Variants in CPLANE1 observed in about 807,000 individuals in gnomAD.
CPLANE1 encodes the protein ciliogenesis and planar polarity effector 1.
A neutral mutation model predicts 362.5 loss-of-function variants in CPLANE1; 263 were observed. The observed-to-expected ratio is 0.73, with a 90% confidence interval of 0.66 to 0.80. CPLANE1 has a LOEUF of 0.80. Ranked by LOEUF, CPLANE1 falls within the 30% of genes least tolerant of loss-of-function variation. CPLANE1 has a pLI of 0.00. For synonymous variants in CPLANE1, 1,212 were observed against 1,302.6 expected (o/e 0.93, Z 1.50); for missense variants, 3,461 against 3,793.4 (o/e 0.91, Z 2.30).
intron 2 of CPLANE1, among the ~76,000 whole-genome samples, chr5:37,246,890 G>C (rs1739866483): frequency 1.3e-5 from 2 of 152,100 alleles, no homozygotes; most frequent in Admixed American, 6.6e-5. Context: ...CTGGGCAACA[G>C]AGCGAGACTC....
intron 9 of CPLANE1, among the ~76,000 whole-genome samples, chr5:37,229,947 C>T (rs190235716): frequency 8.5e-5 from 13 of 152,086 alleles, no homozygotes; most frequent in Non-Finnish European, 5.9e-5. Context: ...GAGGCCAAGG[C>T]GGGTGGATCA....
At chr5:37,098,719 T>C in the CPLANE1 span, among the ~76,000 whole-genome samples, 2 of 149,952 alleles carry the variant, frequency 1.3e-5, no homozygotes, top group African/African-American at 4.9e-5. Flanking sequence ...CAGACATTAA[T>C]AACAAGAGAA....
rs1035910852 is a variant in CPLANE1, at chr5:37,184,785, T to C, written c.4481+3A>G. 1 of 1,605,490 alleles carries C rather than the reference T, an allele frequency of 6.2e-7. No individual in the cohort carries two copies. The highest frequency in any genetic ancestry group is 8.5e-7 in the Non-Finnish European group (1 of 1,176,278). On this transcript the variant is annotated splice_donor_region_variant and intron_variant, in intron 25 of 52. Coordinates refer to ENST00000651892, the MANE Select transcript of CPLANE1 (RefSeq NM_001384732.1). ...GCCAGTGATTAAAAGATCTCAATTG[T>C]ACCTTTGATAGATATTTATCCTACT... is the stretch of plus-strand genomic sequence containing the variant.
chr5:37,208,941 AAAAAAAAG>A (rs1791730466), intron 16 of CPLANE1, among the ~76,000 whole-genome samples: 1 of 119,768 alleles, frequency 8.3e-6, no homozygotes, highest in African/African-American at 3.8e-5. Context: ...ACAGATGAAA[AAAAAAAAG>A]AAAAGAAAAA....
chr5:37,218,895 C>T (rs1794742848), intron 15 of CPLANE1, among the ~76,000 whole-genome samples: 1 of 150,998 alleles, frequency 6.6e-6, no homozygotes, highest in Admixed American at 6.6e-5. Flanking sequence ...TTGCAGTGAG[C>T]TGAGATAGTG....
chr5:37,082,767 CAAA>C, the CPLANE1 span, among the ~76,000 whole-genome samples: 3 of 125,672 alleles, frequency 2.4e-5, no homozygotes, highest in African/African-American at 8.4e-5. Flanking sequence ...CGTGGAAACC[CAAA>C]AAAAAAAAAA....
At chr5:37,154,961 C>T (rs1310047720) in intron 41 of CPLANE1, among the ~76,000 whole-genome samples, 16 of 152,194 alleles carry the variant, frequency 1.1e-4, no homozygotes. Context: ...AAGCCAGAGA[C>T]CAGAAAGTCA....
intron 42 of CPLANE1, among the ~76,000 whole-genome samples, chr5:37,150,707 T>C (rs1773272509): frequency 6.6e-6 from 1 of 152,214 alleles, no homozygotes; most frequent in Admixed American, 6.5e-5. Context: ...TTCAGGCATA[T>C]GGTTATTTCC....
rs1790476608 is a variant in CPLANE1 at position 37,205,571 on chromosome 5, T to C, written c.3150-117A>G. ...AAACAATGGAATTTACTTTTTTATC[T>C]ATCGTACATGTAAAAAAGATATATT... On this transcript the variant is annotated intron_variant, in intron 17 of 52. Transcript: ENST00000651892. The C allele has an allele frequency of 4.4e-6, 3 of 678,162 alleles. No individual in the cohort carries two copies. The East Asian group carries it at 8.3e-5, about 19-fold the overall frequency. The allele number at this position is 678,162 out of a possible 1,614,324, so 42.0% of individuals were successfully genotyped here. A position where few individuals can be genotyped will look rare whatever the true frequency, so the allele number is the denominator to read the frequency against.
chr5:37,178,604 C>A (rs1424609218), intron 29 of CPLANE1, among the ~76,000 whole-genome samples: 12 of 149,824 alleles, frequency 8.0e-5, no homozygotes, highest in Admixed American at 7.9e-4. Flanking sequence ...AAGAGCAAGA[C>A]CCTCATCTCG....
intron 36 of CPLANE1, 51 bp from the exon 37 acceptor site, chr5:37,164,378 T>C (rs1201085994): frequency 7.1e-7 from 1 of 1,417,666 alleles, no homozygotes. Context: ...AGATGTGTAT[T>C]ATTTTTGAAA....
intron 18 of CPLANE1, among the ~76,000 whole-genome samples, chr5:37,203,856 G>T (rs1249007551): frequency 6.6e-6 from 1 of 152,074 alleles, no homozygotes; most frequent in Non-Finnish European, 1.5e-5. Flanking sequence ...ATTTGAATGG[G>T]CCTGTTTCTA....
rs1779138415 is a variant in CPLANE1 at position 37,169,435 on chromosome 5, G to A, written c.6589C>T (p.Leu2197Phe). The A allele has an allele frequency of 1.2e-6, 2 of 1,614,052 alleles. No individual in the cohort carries two copies. Among genetic ancestry groups the A allele is most frequent in the African/African-American group, 1.3e-5 (1 of 74,928 alleles). ...FYPAPAGNTH[L>F]YLLSTPSVVQ... Reference sequence around the variant, plus strand: ...ACAGAAGGTGTGGACAAAAGGTAGAGGTGAGTATTTCCAGCAGGAGCTGGA... The same window carrying A: ...ACAGAAGGTGTGGACAAAAGGTAGAAGTGAGTATTTCCAGCAGGAGCTGGA... Residue 2197 changes from leucine to phenylalanine, a missense_variant, in exon 34 of 53, where the codon CTC (leucine) becomes TTC (phenylalanine). Leu to Phe is a conservative substitution (Grantham distance 22). Transcript: ENST00000651892.
chr5:37,110,765 G>A (rs1490583688), intron 51 of CPLANE1, among the ~76,000 whole-genome samples: 2 of 151,624 alleles, frequency 1.3e-5, no homozygotes, highest in Admixed American at 6.6e-5. Flanking sequence ...CCAAGATGAT[G>A]GAGATGATCC....
At chr5:37,234,966 A>G (rs908695690) in intron 8 of CPLANE1, among the ~76,000 whole-genome samples, 1 of 152,150 alleles carries the variant, frequency 6.6e-6, no homozygotes, top group Non-Finnish European at 1.5e-5. Context: ...CACCTATTCA[A>G]CATAATGCTA....
At chr5:37,136,075 C>T (rs916134875) in intron 46 of CPLANE1, among the ~76,000 whole-genome samples, 3 of 152,116 alleles carry the variant, frequency 2.0e-5, no homozygotes, top group African/African-American at 7.2e-5. Flanking sequence ...CCAACAGTCC[C>T]CCACGGTCTT....
At chr5:37,236,860 C>A (rs1430786788) in intron 8 of CPLANE1, among the ~76,000 whole-genome samples, 1 of 151,852 alleles carries the variant, frequency 6.6e-6, no homozygotes, top group East Asian at 1.9e-4. Flanking sequence ...ATTAAAACCA[C>A]AACGAGATAA....
intron 38 of CPLANE1, among the ~76,000 whole-genome samples, chr5:37,159,468 T>C (rs1776263118): frequency 6.6e-6 from 1 of 152,248 alleles, no homozygotes; most frequent in South Asian, 2.1e-4. Context: ...TCACAGAGCC[T>C]ATAATTAAAT....
intron 6 of CPLANE1, 56 bp downstream of exon 6, chr5:37,242,957 G>A (rs1186308376): frequency 1.6e-5 from 19 of 1,223,638 alleles, no homozygotes; most frequent in Non-Finnish European, 2.1e-5. Flanking sequence ...GCAAGACCCT[G>A]CCTCCAAAAG....
Sources: gnomAD v4.1 joint callset for allele counts (sites outside exome capture counted in the v4.1 genomes callset) on GRCh38, gnomAD v4.1.1 for gene constraint, MANE v1.5 for transcripts, NCBI Gene and HGNC (gene_info 2026-07-23, HGNC 2026-07-21) for gene names.